Variants in CHLSN observed in about 807,000 individuals in gnomAD.
CHLSN encodes the protein cholesin.
the CHLSN span, among the ~76,000 whole-genome samples, chr7:1,022,483 T>C: frequency 6.6e-6 from 1 of 152,226 alleles, no homozygotes; most frequent in African/African-American, 2.4e-5. Flanking sequence ...ACAAGAGTTT[T>C]TTAAATTAAG....
At chr7:1,012,856 C>A in the CHLSN span, among the ~76,000 whole-genome samples, 1 of 152,216 alleles carries the variant, frequency 6.6e-6, no homozygotes, top group South Asian at 2.1e-4. Context: ...CACTCCGTGC[C>A]ATCGGCCGCC....
At chr7:1,093,585 T>C in the CHLSN span, 3 of 471,160 alleles carry the variant, frequency 6.4e-6, no homozygotes, top group African/African-American at 2.0e-5. Flanking sequence ...GACATCAACA[T>C]GGCAATTGCA....
chr7:1,079,482 G>A, the CHLSN span, among the ~76,000 whole-genome samples: 2 of 152,222 alleles, frequency 1.3e-5, no homozygotes, highest in African/African-American at 4.8e-5. Flanking sequence ...CTACGCTGGG[G>A]AGACGGTTTC....
chr7:988,876 C>A, the CHLSN span: 1 of 1,122,668 alleles, frequency 8.9e-7, no homozygotes. Flanking sequence ...GCCCTGGGTC[C>A]TCCCACCCTC....
At chr7:1,010,212 C>T in the CHLSN span, 18 of 1,435,832 alleles carry the variant, frequency 1.3e-5, no homozygotes, top group Non-Finnish European at 1.6e-5. Context: ...CTGCCTGGGG[C>T]TTCCCGAGCC....
the CHLSN span, chr7:984,843 C>G: frequency 7.0e-7 from 1 of 1,428,846 alleles, no homozygotes; most frequent in Non-Finnish European, 9.4e-7. Context: ...GGGTGAGGGC[C>G]CAGCCAGTCT....
the CHLSN span, among the ~76,000 whole-genome samples, chr7:1,068,895 G>A: frequency 0.11 from 16,535 of 152,184 alleles, 1,185 homozygotes; most frequent in Middle Eastern, 0.25. Flanking sequence ...AATAGGTGAT[G>A]TCCGGGAAGA....
chr7:1,100,008 C>T, the CHLSN span, among the ~76,000 whole-genome samples: 6 of 152,312 alleles, frequency 3.9e-5, no homozygotes, highest in African/African-American at 1.4e-4. Flanking sequence ...CTGGATAATC[C>T]ACTTCTCATT....
the CHLSN span, among the ~76,000 whole-genome samples, chr7:1,013,579 C>T: frequency 8.0e-3 from 1,224 of 152,340 alleles, 14 homozygotes; most frequent in African/African-American, 0.028. Flanking sequence ...AGTCTGGGGC[C>T]ACTCTTCTGG....
chr7:1,008,579 G>C, the CHLSN span, among the ~76,000 whole-genome samples: 4,551 of 152,246 alleles, frequency 0.03, 88 homozygotes, highest in African/African-American at 0.043. Context: ...CGCTATGGCT[G>C]AGCTCATTCT....
chr7:1,029,654 G>A, the CHLSN span, among the ~76,000 whole-genome samples: 356 of 152,336 alleles, frequency 2.3e-3, 3 homozygotes, highest in African/African-American at 8.0e-3. Context: ...AGGGCGAGGA[G>A]AGGCTTAGAC....
At chr7:986,594 T>G in the CHLSN span, 2 of 1,610,844 alleles carry the variant, frequency 1.2e-6, no homozygotes, top group African/African-American at 1.3e-5. Context: ...GGCTGCGTCC[T>G]TATCTCCGCT....
At chr7:1,082,814 C>G in the CHLSN span, among the ~76,000 whole-genome samples, 10 of 152,326 alleles carry the variant, frequency 6.6e-5, no homozygotes, top group South Asian at 2.1e-3. Context: ...ATCCAGCGCC[C>G]GCAGAGAACT....
At chr7:984,460 A>G in the CHLSN span, 4 of 1,550,778 alleles carry the variant, frequency 2.6e-6, no homozygotes, top group East Asian at 4.9e-5. Context: ...GGGGCGCCAG[A>G]AGACGGTGGT....
At chr7:1,014,805 TCCGGCCAC>T in the CHLSN span, among the ~76,000 whole-genome samples, 1 of 150,044 alleles carries the variant, frequency 6.7e-6, no homozygotes, top group African/African-American at 2.5e-5. Context: ...ACGGCAGCGA[TCCGGCCAC>T]GGCAGCGTTC....
At chr7:986,937 T>C in the CHLSN span, 2 of 1,319,162 alleles carry the variant, frequency 1.5e-6, no homozygotes, top group African/African-American at 1.5e-5. Context: ...AGAGCCTCAG[T>C]CTCCTTGTCT....
the CHLSN span, chr7:1,127,525 T>C: frequency 1.4e-5 from 12 of 859,720 alleles, no homozygotes; most frequent in Non-Finnish European, 2.0e-5. Context: ...AAAGTTAAAA[T>C]AAACTCAAAC....
chr7:1,035,546 C>T, the CHLSN span, among the ~76,000 whole-genome samples: 399 of 152,316 alleles, frequency 2.6e-3, 2 homozygotes, highest in African/African-American at 8.8e-3. Flanking sequence ...GCCAGACGCG[C>T]GACATCCTTT....
the CHLSN span, among the ~76,000 whole-genome samples, chr7:1,101,618 C>T: frequency 2.0e-5 from 3 of 152,244 alleles, no homozygotes; most frequent in Admixed American, 6.5e-5. Context: ...TCCGCGCAGC[C>T]GCCCAGGTTC....
Sources: gnomAD v4.1 joint callset for allele counts (sites outside exome capture counted in the v4.1 genomes callset) on GRCh38, gnomAD v4.1.1 for gene constraint, MANE v1.5 for transcripts, NCBI Gene and HGNC (gene_info 2026-07-23, HGNC 2026-07-21) for gene names.